HS6ST3: variants seen among roughly 807,000 people sequenced by gnomAD.
HS6ST3 encodes heparan-sulfate 6-O-sulfotransferase 3.
A neutral mutation model predicts 36.7 loss-of-function variants in HS6ST3; 12 were observed. The observed-to-expected ratio is 0.33, with a 90% CI of 0.21 to 0.53. The LOEUF (loss-of-function observed/expected upper bound fraction) is 0.53, where lower values mean the gene tolerates loss of function less well. Ranked by LOEUF, HS6ST3 falls within the 20% of genes least tolerant of loss-of-function variation. HS6ST3 has a pLI of 0.95. For synonymous variants in HS6ST3, 240 were observed against 257.5 expected, an observed-to-expected ratio of 0.93 and a Z score of 0.65; for missense variants, 584 against 640.9, an observed-to-expected ratio of 0.91 and a Z score of 0.96.
At chr13:96,258,055 C>T (rs1313486370) in intron 1 of HS6ST3, among the ~76,000 whole-genome samples, 1 of 152,164 alleles carries the variant, frequency 6.6e-6, no homozygotes, top group East Asian at 1.9e-4. Context: ...TATTAAATTC[C>T]ACTGGACTTG....
At chr13:96,122,828 A>G (rs577931442) in intron 1 of HS6ST3, among the ~76,000 whole-genome samples, 2 of 152,264 alleles carry the variant, frequency 1.3e-5, no homozygotes, top group South Asian at 4.1e-4. Context: ...CTTCTGGGGG[A>G]CAGACCTGCT....
intron 1 of HS6ST3, among the ~76,000 whole-genome samples, chr13:96,693,605 C>T (rs1875039881): frequency 6.6e-6 from 1 of 152,072 alleles, no homozygotes; most frequent in Non-Finnish European, 1.5e-5. Flanking sequence ...GACCAGCCGG[C>T]CAGATTCTTT....
intron 1 of HS6ST3, among the ~76,000 whole-genome samples, chr13:96,694,060 C>T (rs1031541144): frequency 1.2e-4 from 19 of 152,032 alleles, no homozygotes; most frequent in African/African-American, 4.6e-4. Flanking sequence ...TGTGCAGATT[C>T]ATTATAGAGG....
intron 1 of HS6ST3, among the ~76,000 whole-genome samples, chr13:96,371,077 C>T (rs1033796065): frequency 1.3e-5 from 2 of 152,082 alleles, no homozygotes; most frequent in Admixed American, 6.5e-5. Flanking sequence ...TGCTGTGTAG[C>T]ATTATTTCAT....
At chr13:96,206,940 A>G (rs894303545) in intron 1 of HS6ST3, among the ~76,000 whole-genome samples, 1 of 152,210 alleles carries the variant, frequency 6.6e-6, no homozygotes, top group Non-Finnish European at 1.5e-5. Context: ...AATTGCAAGA[A>G]AAGCAAAAAT....
chr13:96,260,536 AT>A (rs1008864072), intron 1 of HS6ST3, among the ~76,000 whole-genome samples: 23 of 151,778 alleles, frequency 1.5e-4, no homozygotes, highest in Admixed American at 1.4e-3. Flanking sequence ...GATAGTCTCG[AT>A]TTCCTGACCT....
At chr13:96,254,138 G>A (rs1051246259) in intron 1 of HS6ST3, among the ~76,000 whole-genome samples, 18 of 151,864 alleles carry the variant, frequency 1.2e-4, no homozygotes, top group East Asian at 3.9e-4. Flanking sequence ...TTTTCCAGCC[G>A]GGCGCGGTGG....
chr13:96,110,558 T>A (rs1015162346), intron 1 of HS6ST3, among the ~76,000 whole-genome samples: 1 of 151,596 alleles, frequency 6.6e-6, no homozygotes, highest in African/African-American at 2.4e-5. Context: ...TGCCTCAGCC[T>A]CCTGAGTAGC....
At chr13:96,699,679 G>C (rs1204415824) in intron 1 of HS6ST3, among the ~76,000 whole-genome samples, 1 of 152,200 alleles carries the variant, frequency 6.6e-6, no homozygotes, top group Non-Finnish European at 1.5e-5. Flanking sequence ...GTGGAAGTCA[G>C]TGTGGCGATT....
chr13:96,453,349 C>G (rs181669642), intron 1 of HS6ST3, among the ~76,000 whole-genome samples: 17 of 152,218 alleles, frequency 1.1e-4, no homozygotes, highest in Non-Finnish European at 2.1e-4. Context: ...AACTCTCTCA[C>G]CTTTTGGAGT....
intron 1 of HS6ST3, among the ~76,000 whole-genome samples, chr13:96,453,449 G>C (rs1162247355): frequency 6.6e-6 from 1 of 152,072 alleles, no homozygotes; most frequent in Non-Finnish European, 1.5e-5. Context: ...TTCTAAGACT[G>C]TTTGTCACAC....
At chr13:96,108,102 G>A (rs2053850418) in intron 1 of HS6ST3, among the ~76,000 whole-genome samples, 1 of 152,170 alleles carries the variant, frequency 6.6e-6, no homozygotes, top group South Asian at 2.1e-4. Flanking sequence ...GCCGAAAACG[G>A]GTAAGAGAAA....
At chr13:96,338,011 T>C (rs1372197946) in intron 1 of HS6ST3, among the ~76,000 whole-genome samples, 3 of 152,234 alleles carry the variant, frequency 2.0e-5, no homozygotes, top group Middle Eastern at 3.4e-3. Flanking sequence ...ATTTATAGCC[T>C]CCTTTTTCTA....
chr13:96,789,838 A>T (rs1877738754), intron 1 of HS6ST3, among the ~76,000 whole-genome samples: 1 of 151,034 alleles, frequency 6.6e-6, no homozygotes, highest in African/African-American at 2.4e-5. Flanking sequence ...TGATTTTAAG[A>T]TTTTTTTCTT....
At chr13:96,374,916 T>C (rs1192216237) in intron 1 of HS6ST3, among the ~76,000 whole-genome samples, 2 of 152,132 alleles carry the variant, frequency 1.3e-5, no homozygotes, top group Non-Finnish European at 2.9e-5. Flanking sequence ...ATTTTACGTA[T>C]CAACTAAGTA....
At chr13:96,361,590 CAG>C (rs1802879517) in intron 1 of HS6ST3, among the ~76,000 whole-genome samples, 1 of 152,148 alleles carries the variant, frequency 6.6e-6, no homozygotes, top group South Asian at 2.1e-4. Flanking sequence ...AGTGCTAAAA[CAG>C]AGAGCGGGCT....
intron 1 of HS6ST3, among the ~76,000 whole-genome samples, chr13:96,576,016 G>A (rs529560357): frequency 1.6e-4 from 24 of 152,330 alleles, no homozygotes; most frequent in African/African-American, 5.5e-4. Flanking sequence ...TGTGGTGATG[G>A]TGTGGCTTCC....
At chr13:96,363,560 C>T (rs2055249516) in intron 1 of HS6ST3, among the ~76,000 whole-genome samples, 1 of 152,186 alleles carries the variant, frequency 6.6e-6, no homozygotes, top group Non-Finnish European at 1.5e-5. Flanking sequence ...TTATGCCAAT[C>T]CATACTACAT....
At chr13:96,788,393 T>A (rs76703664) in intron 1 of HS6ST3, among the ~76,000 whole-genome samples, 1 of 151,944 alleles carries the variant, frequency 6.6e-6, no homozygotes, top group East Asian at 1.9e-4. Context: ...ATATCTTAAC[T>A]GTATCTTACC....
Sources: allele counts gnomAD v4.1 joint callset (sites outside exome capture counted in the v4.1 genomes callset), GRCh38; gene constraint gnomAD v4.1.1; transcripts MANE v1.5; gene names NCBI Gene and HGNC (gene_info 2026-07-23, HGNC 2026-07-21).